KANSL1L: variants seen among roughly 807,000 people sequenced by gnomAD.
KANSL1L encodes the protein KAT8 regulatory NSL complex subunit 1 like.
KANSL1L carries 25 observed loss-of-function variants against 108.6 expected under a neutral mutation model. The ratio of observed to expected loss-of-function variants is 0.23; its 90% CI spans 0.17 to 0.32. The LOEUF is 0.32. Among genes scored for constraint, KANSL1L ranks in the 10% least tolerant of loss-of-function variants. The probability of loss-of-function intolerance (pLI) is 1.00; values close to 1 mark genes in which losing one functional copy is unlikely to be tolerated. For synonymous variants in KANSL1L, 405 were observed against 395.1 expected, an observed-to-expected ratio of 1.03 and a Z score of -0.30; for missense variants, 1,137 against 1,125.7, an observed-to-expected ratio of 1.01 and a Z score of -0.14.
chr2:210,051,399 C>T (rs2094290801), intron 6 of KANSL1L, among the ~76,000 whole-genome samples: 1 of 151,876 alleles, frequency 6.6e-6, no homozygotes, highest in Admixed American at 6.6e-5. Context: ...AATTTGTTTC[C>T]ATAGTAGTCA....
intron 6 of KANSL1L, among the ~76,000 whole-genome samples, chr2:210,055,488 A>G (rs573768376): frequency 1.1e-4 from 17 of 152,324 alleles, no homozygotes; most frequent in Admixed American, 9.8e-4. Context: ...AATATGGGTA[A>G]GTTTGGAACT....
At chr2:210,089,358 C>G (rs1559547347) in intron 5 of KANSL1L, among the ~76,000 whole-genome samples, 2 of 151,990 alleles carry the variant, frequency 1.3e-5, no homozygotes, top group Non-Finnish European at 2.9e-5. Context: ...TTATTACATC[C>G]AAAAGAGCAA....
At chr2:210,107,519 AAT>A (rs1399584895) in intron 3 of KANSL1L, among the ~76,000 whole-genome samples, 12 of 141,640 alleles carry the variant, frequency 8.5e-5, no homozygotes, top group African/African-American at 3.0e-4. Flanking sequence ...TCAAAAAAAA[AAT>A]ATATATATAT....
intron 5 of KANSL1L, among the ~76,000 whole-genome samples, chr2:210,082,693 T>C (rs1415961373): frequency 6.6e-6 from 1 of 152,202 alleles, no homozygotes; most frequent in Admixed American, 6.5e-5. Context: ...TAGCAGCAAA[T>C]AGGGACTTAT....
intron 2 of KANSL1L, among the ~76,000 whole-genome samples, chr2:210,145,105 A>C (rs1282275432): frequency 6.6e-6 from 1 of 152,192 alleles, no homozygotes; most frequent in Admixed American, 6.5e-5. Flanking sequence ...AAAGATTACA[A>C]GGATCCTCAG....
chr2:210,098,220 A>G lies in KANSL1L; in HGVS notation c.1429-13T>C, dbSNP rs1376634051. ...TCAACTGTGCACTCTGCAAGGAAAC[A>G]GTCAACCTTTTACTACTGCTAAGCA... On this transcript the variant is annotated splice_polypyrimidine_tract_variant and intron_variant, in intron 4 of 14. Transcript: ENST00000281772. The G allele has an allele frequency of 6.2e-7, 1 of 1,605,958 alleles. No homozygotes were observed. Among genetic ancestry groups the G allele is most frequent in the Non-Finnish European group, 8.5e-7 (1 of 1,176,638 alleles).
chr2:210,098,578 A>G (rs890735069), intron 4 of KANSL1L, among the ~76,000 whole-genome samples: 15 of 152,160 alleles, frequency 9.9e-5, no homozygotes, highest in Non-Finnish European at 2.9e-5. Flanking sequence ...GCATTATATT[A>G]GGCACCACAC....
At chr2:210,043,843 T>C in intron 7 of KANSL1L, 96 bp downstream of exon 7, 1 of 865,424 alleles carries the variant, frequency 1.2e-6, no homozygotes, top group Non-Finnish European at 1.7e-6. Flanking sequence ...TGAAAAAAAA[T>C]TGATAAAATA....
Position 210,098,166 on chromosome 2 carries a change from A to G in KANSL1L, c.1470T>C (p.Pro490=). ...GTGATGAAGTTGGGGACAAGTTGAGAGGGGCAATCAAACTGTTGATGATCT... is the reference window on the plus strand; with the variant it reads ...GTGATGAAGTTGGGGACAAGTTGAGGGGGGCAATCAAACTGTTGATGATCT... The part of the protein sequence containing the change: ...LTEIINSLIA[P]LNLSPTSSPL... Residue 490 remains proline (P), a synonymous_variant, in exon 5 of 15, where the codon CCT becomes CCC. Coordinates refer to ENST00000281772, the MANE Select transcript of KANSL1L (RefSeq NM_152519.4). 1 of 1,612,564 alleles carries G rather than the reference A, an allele frequency of 6.2e-7. No individual in the cohort carries two copies. The highest frequency in any genetic ancestry group is 8.5e-7 in the Non-Finnish European group (1 of 1,179,194).
At chr2:210,163,977 T>C (rs1002882586) in intron 1 of KANSL1L, among the ~76,000 whole-genome samples, 1 of 152,134 alleles carries the variant, frequency 6.6e-6, no homozygotes. Flanking sequence ...ATATATTTTA[T>C]TGTGAAGGAG....
At chr2:210,128,942 C>G (rs2095094021) in intron 3 of KANSL1L, 89 bp downstream of exon 3, 1 of 1,086,428 alleles carries the variant, frequency 9.2e-7, no homozygotes, top group Admixed American at 2.5e-5. Context: ...TTTATAAAAC[C>G]TTGTAACAAT....
intron 5 of KANSL1L, among the ~76,000 whole-genome samples, chr2:210,089,740 T>C (rs917685703): frequency 2.0e-5 from 3 of 152,080 alleles, no homozygotes; most frequent in Non-Finnish European, 4.4e-5. Flanking sequence ...AGATGGTCTT[T>C]TGAGGAGATA....
intron 6 of KANSL1L, among the ~76,000 whole-genome samples, chr2:210,067,170 C>T (rs2094472551): frequency 6.6e-6 from 1 of 152,152 alleles, no homozygotes; most frequent in Non-Finnish European, 1.5e-5. Flanking sequence ...TTCTAGGGCT[C>T]CAGCCTTGGA....
rs1369105202 is a variant in KANSL1L, at chr2:210,024,078, C to A, written c.2688G>T (p.Leu896=). 2.5e-6 allele frequency: 4 copies of A among 1,606,052 alleles called. No individual in the cohort carries two copies. In the Admixed American group the frequency reaches 6.8e-5, roughly 27 times the overall value. The stretch of plus-strand genomic sequence containing the variant: ...TTAAAGAAGGTAAGCCATATGCACA[C>A]AGATCCTGGTTCTCTGAAGGAAGCC... ...PPGLPSENQD[L]CAYGLPSLNQ... The change falls in exon 14 of 15, where the codon CTG becomes CTT. Residue 896 remains leucine, a synonymous_variant. Transcript: ENST00000281772.
chr2:210,157,022 G>C (rs1468467994), intron 1 of KANSL1L, among the ~76,000 whole-genome samples: 1 of 149,466 alleles, frequency 6.7e-6, no homozygotes, highest in Non-Finnish European at 1.5e-5. Flanking sequence ...GTTTTTTTCA[G>C]TTTATACTCT....
chr2:210,064,940 G>A (rs930590979), intron 6 of KANSL1L, among the ~76,000 whole-genome samples: 2 of 151,732 alleles, frequency 1.3e-5, no homozygotes, highest in Non-Finnish European at 2.9e-5. Flanking sequence ...TAGGCAGAAT[G>A]TGCAAAGGGC....
intron 3 of KANSL1L, among the ~76,000 whole-genome samples, chr2:210,114,147 G>A (rs560030038): frequency 1.3e-5 from 2 of 152,200 alleles, no homozygotes; most frequent in Admixed American, 6.5e-5. Flanking sequence ...TCAAACTACT[G>A]AATGACAAAA....
At chr2:210,164,217 G>A (rs1374350475) in intron 1 of KANSL1L, among the ~76,000 whole-genome samples, 1 of 152,116 alleles carries the variant, frequency 6.6e-6, no homozygotes, top group South Asian at 2.1e-4. Flanking sequence ...TGTGTGCCAA[G>A]TCTTGTAACC....
At chr2:210,139,455 C>G (rs1398069726) in intron 2 of KANSL1L, among the ~76,000 whole-genome samples, 1 of 152,120 alleles carries the variant, frequency 6.6e-6, no homozygotes, top group Non-Finnish European at 1.5e-5. Context: ...TATGGTAATT[C>G]TATTTTAAAT....
Sources: gnomAD v4.1 joint callset for allele counts (sites outside exome capture counted in the v4.1 genomes callset) on GRCh38, gnomAD v4.1.1 for gene constraint, MANE v1.5 for transcripts, NCBI Gene and HGNC (gene_info 2026-07-23, HGNC 2026-07-21) for gene names.